The following MAP3K1 variants were observed in gnomAD, a reference collection of about 807,000 sequenced individuals.
The protein encoded by MAP3K1 is MAP/ERK kinase kinase 1.
A neutral mutation model predicts 144.2 loss-of-function variants in MAP3K1; 36 were observed. That is an observed-to-expected ratio of 0.25 (90% confidence interval 0.19 to 0.33). The LOEUF (loss-of-function observed/expected upper bound fraction) is 0.33. MAP3K1 is among the 10% of genes least tolerant of loss of function. MAP3K1 has a pLI of 1.00. For missense variants in MAP3K1, 1,650 were observed against 1,881.9 expected (o/e 0.88, Z 2.28); for synonymous variants, 718 against 688.7 (o/e 1.04, Z -0.67).
chr5:56,863,068 T>C (rs1747567341), intron 3 of MAP3K1, among the ~76,000 whole-genome samples: 1 of 152,226 alleles, frequency 6.6e-6, no homozygotes, highest in African/African-American at 2.4e-5. Context: ...CCAGCCTATT[T>C]GTTATATAAC....
rs1745919071 is a variant in MAP3K1 at position 56,815,587 on chromosome 5, C to CGGG, written c.16_18dup (p.Gly6dup). On this transcript the variant is annotated inframe_insertion, in exon 1 of 20. Transcript: ENST00000399503. ...CCGCGAGAGAAAATGGCGGCGGCGGCGGGGAATCGCGCCTCGTCGTCGGGA... is the reference window on the plus strand; with the variant it reads ...CCGCGAGAGAAAATGGCGGCGGCGGCGGGGGGGAATCGCGCCTCGTCGTCGGGA... 1.3e-5 allele frequency: 17 copies of CGGG among 1,295,328 alleles called. No individual in the cohort carries two copies. Among genetic ancestry groups the CGGG allele is most frequent in the Admixed American group, 8.0e-5 (2 of 25,094 alleles). 80.2% of individuals were successfully genotyped at this position (1,295,328 alleles called of 1,614,324 possible). A position where few individuals can be genotyped will look rare whatever the true frequency, so the allele number is the denominator to read the frequency against.
At chr5:56,823,569 G>A (rs1746219254) in intron 1 of MAP3K1, among the ~76,000 whole-genome samples, 1 of 152,220 alleles carries the variant, frequency 6.6e-6, no homozygotes, top group African/African-American at 2.4e-5. Flanking sequence ...TTGAATAAAT[G>A]AATGAGAGGG....
At chr5:56,878,283 C>T (rs1017333773) in intron 10 of MAP3K1, among the ~76,000 whole-genome samples, 2 of 151,994 alleles carry the variant, frequency 1.3e-5, no homozygotes, top group African/African-American at 4.8e-5. Flanking sequence ...AGGGGAGCAT[C>T]ACACACTGGA....
intron 1 of MAP3K1, among the ~76,000 whole-genome samples, chr5:56,822,233 C>CA (rs577650795): frequency 3.0e-3 from 462 of 152,194 alleles, no homozygotes; most frequent in Non-Finnish European, 5.0e-3. Context: ...CCATGTTGGC[C>CA]AGGCTGGTCT....
chr5:56,842,944 G>A (rs1008832127), intron 1 of MAP3K1, among the ~76,000 whole-genome samples: 1 of 151,972 alleles, frequency 6.6e-6, no homozygotes, highest in Non-Finnish European at 1.5e-5. Flanking sequence ...GCCCCTGATC[G>A]CTGTGCCATA....
chr5:56,859,106 T>G (rs1432165676), intron 2 of MAP3K1, among the ~76,000 whole-genome samples: 7 of 150,630 alleles, frequency 4.6e-5, no homozygotes, highest in African/African-American at 1.7e-4. Flanking sequence ...TAAACTGCAT[T>G]TCTGCTTGAG....
chr5:56,883,771 G>T (rs1748297076), intron 15 of MAP3K1, 92 bp downstream of exon 15: 4 of 1,312,210 alleles, frequency 3.0e-6, no homozygotes, highest in Non-Finnish European at 4.4e-6. Flanking sequence ...CCACGTGTGT[G>T]TACTTTAGTT....
chr5:56,827,081 T>G (rs1361684553), intron 1 of MAP3K1, among the ~76,000 whole-genome samples: 1 of 151,882 alleles, frequency 6.6e-6, no homozygotes, highest in East Asian at 1.9e-4. Context: ...GGCCTAGGGG[T>G]GGGTGGAGAA....
intron 1 of MAP3K1, among the ~76,000 whole-genome samples, chr5:56,850,667 C>T (rs1027991692): frequency 1.3e-5 from 2 of 152,132 alleles, no homozygotes; most frequent in East Asian, 3.9e-4. Flanking sequence ...TTGAATCTGG[C>T]CCTGCCACTC....
At chr5:56,892,484 TAAC>T (rs1264615710) in intron 19 of MAP3K1, among the ~76,000 whole-genome samples, 3 of 152,128 alleles carry the variant, frequency 2.0e-5, no homozygotes, top group Non-Finnish European at 4.4e-5. Flanking sequence ...AAAAAATTGA[TAAC>T]AATTATATGG....
intron 1 of MAP3K1, among the ~76,000 whole-genome samples, chr5:56,850,353 C>T (rs985325695): frequency 1.3e-5 from 2 of 152,124 alleles, no homozygotes; most frequent in African/African-American, 2.4e-5. Flanking sequence ...AATCAAGATA[C>T]GGAAATCTTA....
At position 56,882,713 on chromosome 5, in the gene MAP3K1, G is replaced by A. The variant is rs1253914233; in HGVS notation, c.3513G>A (p.Val1171=). The change falls in exon 14 of 20, where the codon GTG becomes GTA. Residue 1171 remains valine, a synonymous_variant. Transcript: ENST00000399503. The part of the protein sequence containing the change: ...AENDDTYKDD[V]NHNQKCKEKM... ...ATGATGATACCTACAAAGATGATGT[G>A]AATCATAATCAAAAGTGCAAAGAGA... 2 of 1,613,710 alleles carry A rather than the reference G, an allele frequency of 1.2e-6. No homozygotes were observed. Among genetic ancestry groups the A allele is most frequent in the Non-Finnish European group, 1.7e-6 (2 of 1,179,900 alleles).
intron 19 of MAP3K1, among the ~76,000 whole-genome samples, chr5:56,892,365 C>T (rs922098005): frequency 2.6e-5 from 4 of 152,068 alleles, no homozygotes; most frequent in African/African-American, 9.7e-5. Context: ...GTGATTTTTG[C>T]ACATTGATTT....
At chr5:56,833,485 A>G (rs1330750659) in intron 1 of MAP3K1, among the ~76,000 whole-genome samples, 1 of 151,712 alleles carries the variant, frequency 6.6e-6, no homozygotes, top group East Asian at 1.9e-4. Flanking sequence ...AACACTCATG[A>G]CCTCCTGCTG....
At chr5:56,816,900 G>GT (rs2111732781) in intron 1 of MAP3K1, among the ~76,000 whole-genome samples, 1 of 152,360 alleles carries the variant, frequency 6.6e-6, no homozygotes, top group Admixed American at 6.5e-5. Context: ...GCGGAGTGGT[G>GT]TAAGAGCCAG....
intron 6 of MAP3K1, 127 bp from the exon 7 acceptor site, chr5:56,871,783 G>C (rs970018186): frequency 2.3e-5 from 18 of 773,538 alleles, no homozygotes; most frequent in Middle Eastern, 3.3e-4. Flanking sequence ...GTATCTCTTA[G>C]TTATATAAGA....
At position 56,864,675 on chromosome 5, in the gene MAP3K1, A is replaced by T. The variant is rs536297723; in HGVS notation, c.835-59A>T. On this transcript the variant is annotated intron_variant, in intron 3 of 19. Transcript: ENST00000399503. Reference sequence around the variant, plus strand: ...GGCGTGAGCCACCATGCCTGACCGGATAATAGTTTCTTAATTAAGAAATGA... The same window carrying T: ...GGCGTGAGCCACCATGCCTGACCGGTTAATAGTTTCTTAATTAAGAAATGA... The T allele has an allele frequency of 3.8e-6, 6 of 1,582,832 alleles. No homozygotes were observed. The Admixed American group carries it at 6.7e-5, about 18-fold the overall frequency.
In MAP3K1 at chr5:56,895,365, T is replaced by TA. The variant is rs1748673340; in HGVS notation, c.*1685_*1686insA. 3 of 58,680 alleles carry TA rather than the reference T, an allele frequency of 5.1e-5. No individual in the cohort carries two copies. The highest frequency in any genetic ancestry group is 1.4e-4 in the African/African-American group (3 of 21,272). 3.6% of individuals were successfully genotyped at this position (58,680 alleles called of 1,614,324 possible). A position where few individuals can be genotyped will look rare whatever the true frequency, so the allele number is the denominator to read the frequency against. On this transcript the variant is annotated 3_prime_UTR_variant, in exon 20 of 20. Transcript: ENST00000399503. ...TTGTACTTGACTTTCTTTTTTATTT[T>TA]GTTTTTTTTTTTTTTTGACTACTTA...
intron 1 of MAP3K1, among the ~76,000 whole-genome samples, chr5:56,844,266 G>A (rs1434923787): frequency 1.6e-5 from 2 of 123,732 alleles, no homozygotes; most frequent in African/African-American, 3.0e-5. Flanking sequence ...TGCAAGCTCC[G>A]CCTCCTGGGT....
Sources: gnomAD v4.1 joint callset for allele counts (sites outside exome capture counted in the v4.1 genomes callset) on GRCh38, gnomAD v4.1.1 for gene constraint, MANE v1.5 for transcripts, NCBI Gene and HGNC (gene_info 2026-07-23, HGNC 2026-07-21) for gene names.